COA6: variants seen among roughly 807,000 people sequenced by gnomAD.
COA6 encodes cytochrome c oxidase assembly factor 6, also known as cytochrome c oxidase assembly factor 6 homolog.
A neutral mutation model predicts 17.1 loss-of-function variants in COA6; 12 were observed. The observed-to-expected ratio is 0.70, with a 90% CI of 0.45 to 1.14. The LOEUF is 1.14. Ranked by LOEUF, COA6 falls within the 50% of genes most tolerant of loss-of-function variation. COA6 has a pLI of 0.00. For synonymous variants in COA6, 90 were observed against 73.4 expected (o/e 1.23, Z -1.16); for missense variants, 246 against 196.5 (o/e 1.25, Z -1.51).
intron 2 of COA6, among the ~76,000 whole-genome samples, chr1:234,374,721 T>C (rs1187761294): frequency 6.6e-6 from 1 of 152,188 alleles, no homozygotes; most frequent in Non-Finnish European, 1.5e-5. Flanking sequence ...GGCAAAATTA[T>C]TGACCTAGAG....
rs1477524618 is a variant in COA6, at chr1:234,373,509, G to A, written c.43G>A (p.Val15Met). 1 of 1,605,848 alleles carries A rather than the reference G, an allele frequency of 6.2e-7. No homozygotes were observed. The highest frequency in any genetic ancestry group is 8.5e-7 in the Non-Finnish European group (1 of 1,176,136). ...TCAAAAGAGTCCGCGGTTTCGCCGC[G>A]TGAGTTGCTTTTTGCGGCTGGGGAG... ...KGQKSPRFRR[V>M]SCFLRLGRST... is the part of the protein sequence containing the mutation. Residue 15 changes from valine (V) to methionine (M), a missense_variant, in exon 1 of 3, where the codon GTG (valine) becomes ATG (methionine). Coordinates refer to ENST00000366615, the MANE Select transcript of COA6 (RefSeq NM_001206641.3).
At chr1:234,373,786 C>A in intron 1 of COA6, 108 bp downstream of exon 1, 1 of 1,613,764 alleles carries the variant, frequency 6.2e-7, no homozygotes, top group East Asian at 2.2e-5. Flanking sequence ...GGGTGGCACT[C>A]CAATCGCCTG....
In COA6 at chr1:234,373,744, C is replaced by T. The variant is rs1022741158; in HGVS notation, c.212+66C>T. On this transcript the variant is annotated intron_variant, in intron 1 of 2. Transcript: ENST00000366615. Reference sequence around the variant, plus strand: ...ATGGGCCCGGGAGGTCCCTTACTGTCCCCGAGCCGCGGGTTCCTCTTGTGC... The same window carrying T: ...ATGGGCCCGGGAGGTCCCTTACTGTTCCCGAGCCGCGGGTTCCTCTTGTGC... 6.2e-6 allele frequency: 10 copies of T among 1,613,806 alleles called. No homozygotes were observed. The highest frequency in any genetic ancestry group is 1.3e-5 in the African/African-American group (1 of 75,048).
At chr1:234,382,979 C>A (rs955426249) in intron 2 of COA6, among the ~76,000 whole-genome samples, 2 of 135,016 alleles carry the variant, frequency 1.5e-5, no homozygotes, top group African/African-American at 5.5e-5. Flanking sequence ...TGCACTCCAG[C>A]CTGGGTGACA....
intron 2 of COA6, among the ~76,000 whole-genome samples, chr1:234,377,076 G>C (rs960538616): frequency 5.1e-5 from 5 of 97,892 alleles, no homozygotes; most frequent in Non-Finnish European, 1.1e-4. Flanking sequence ...GAGAGAGAGA[G>C]AGAGAGAGAG....
intron 2 of COA6, among the ~76,000 whole-genome samples, chr1:234,381,773 C>T (rs761176226): frequency 8.5e-5 from 13 of 152,094 alleles, no homozygotes; most frequent in East Asian, 1.9e-4. Flanking sequence ...AGATGTGATG[C>T]GTTCATTGAA....
At chr1:234,373,868 C>A (rs1558123505) in intron 1 of COA6, 190 bp downstream of exon 1, 1 of 1,604,668 alleles carries the variant, frequency 6.2e-7, no homozygotes, top group Non-Finnish European at 8.5e-7. Context: ...GTAAACTAGG[C>A]ACTGCTGTCC....
rs540315797 is a variant in COA6 at position 234,382,329 on chromosome 1, C to T, written c.373-1394C>T. ...GATCAAGGCTGCTTCTGTGTCAGGG[C>T]GCCGTAGATCTTCTAGACAAAAGTG... On this transcript the variant is annotated intron_variant, in intron 2 of 2. Coordinates refer to ENST00000366615, the MANE Select transcript of COA6 (RefSeq NM_001206641.3). Among the ~76,000 whole-genome samples, 5 of 152,234 alleles carry T rather than the reference C, an allele frequency of 3.3e-5. No individual in the cohort carries two copies. The South Asian group carries it at 1.0e-3, about 32-fold the overall frequency.
chr1:234,374,423 T>G (rs1658725218), intron 2 of COA6, 34 bp downstream of exon 2: 1 of 1,609,140 alleles, frequency 6.2e-7, no homozygotes, highest in South Asian at 1.1e-5. Context: ...CTCTTCCCTG[T>G]TAAGATACAT....
At chr1:234,378,027 G>A (rs975065267) in intron 2 of COA6, among the ~76,000 whole-genome samples, 1 of 152,248 alleles carries the variant, frequency 6.6e-6, no homozygotes, top group Non-Finnish European at 1.5e-5. Context: ...AAGCACTTGT[G>A]TTGTCTGGGG....
intron 2 of COA6, among the ~76,000 whole-genome samples, chr1:234,378,830 G>GCATTTTCTTCTGCA (rs1658882522): frequency 6.6e-6 from 1 of 151,820 alleles, no homozygotes; most frequent in Non-Finnish European, 1.5e-5. Flanking sequence ...CTGAGATTAT[G>GCATTTTCTTCTGCA]CCACTGCACT....
chr1:234,379,544 G>A (rs575245675), intron 2 of COA6, among the ~76,000 whole-genome samples: 8 of 152,138 alleles, frequency 5.3e-5, no homozygotes, highest in African/African-American at 1.7e-4. Context: ...GAGTACCCAC[G>A]AGTTGTGACC....
At chr1:234,375,853 A>G (rs936131624) in intron 2 of COA6, among the ~76,000 whole-genome samples, 5 of 152,002 alleles carry the variant, frequency 3.3e-5, no homozygotes, top group African/African-American at 1.2e-4. Context: ...ACAGGATCTC[A>G]CTATGTTGCC....
At chr1:234,380,065 T>A (rs1422814594) in intron 2 of COA6, among the ~76,000 whole-genome samples, 1 of 152,226 alleles carries the variant, frequency 6.6e-6, no homozygotes, top group African/African-American at 2.4e-5. Context: ...ATAGCCCGTT[T>A]CCCATTTGCA....
rs1040743208 is a variant in COA6, at chr1:234,384,688, G to T, written c.*870G>T. Among the ~76,000 whole-genome samples the T allele has an allele frequency of 6.6e-6, 1 of 152,154 alleles. No individual in the cohort carries two copies. Among genetic ancestry groups the T allele is most frequent in the African/African-American group, 2.4e-5 (1 of 41,430 alleles). On this transcript the variant is annotated 3_prime_UTR_variant, in exon 3 of 3. Transcript: ENST00000366615. ...AGACTACATCAGATTAAATGGAGAG[G>T]TATACAGTTGGCCCTCTGTGGGTTC...
At chr1:234,378,005 C>G (rs145907012) in intron 2 of COA6, among the ~76,000 whole-genome samples, 3 of 152,342 alleles carry the variant, frequency 2.0e-5, no homozygotes, top group Non-Finnish European at 4.4e-5. Context: ...TGACCGTGTT[C>G]ATCATCAGTT....
At chr1:234,376,858 C>T (rs984174412) in intron 2 of COA6, among the ~76,000 whole-genome samples, 10 of 152,312 alleles carry the variant, frequency 6.6e-5, no homozygotes, top group African/African-American at 2.2e-4. Context: ...CCAAGGCAAT[C>T]CTGTTTACAG....
intron 2 of COA6, among the ~76,000 whole-genome samples, chr1:234,381,953 C>T (rs1310987022): frequency 1.3e-5 from 2 of 152,324 alleles, no homozygotes; most frequent in South Asian, 4.1e-4. Flanking sequence ...ATGTCCACTT[C>T]TTCCTTTGGT....
intron 2 of COA6, among the ~76,000 whole-genome samples, chr1:234,381,780 T>C (rs1405288581): frequency 1.3e-5 from 2 of 152,148 alleles, no homozygotes; most frequent in African/African-American, 2.4e-5. Flanking sequence ...ATGCGTTCAT[T>C]GAAATAGGTA....
Sources: allele counts gnomAD v4.1 joint callset (sites outside exome capture counted in the v4.1 genomes callset), GRCh38; gene constraint gnomAD v4.1.1; transcripts MANE v1.5; gene names NCBI Gene and HGNC (gene_info 2026-07-23, HGNC 2026-07-21).